The following BCHE variants were observed in gnomAD, a reference collection of about 807,000 sequenced individuals.
BCHE encodes butyrylcholinesterase.
Under a neutral mutation model 51.3 loss-of-function variants are expected in BCHE, and 48 were observed. The ratio of observed to expected loss-of-function variants is 0.94; its 90% confidence interval spans 0.74 to 1.19. BCHE has a LOEUF of 1.19. Ranked by LOEUF, BCHE falls within the 50% of genes most tolerant of loss-of-function variation. The pLI, the probability that BCHE is intolerant of heterozygous loss-of-function variation, is 0.00. For synonymous variants in BCHE, 251 were observed against 238.0 expected, an observed-to-expected ratio of 1.05 and a Z score of -0.50; for missense variants, 847 against 708.2, an observed-to-expected ratio of 1.20 and a Z score of -2.23.
intron 2 of BCHE, among the ~76,000 whole-genome samples, chr3:165,819,078 T>TTTG (rs1437375986): frequency 6.6e-6 from 1 of 150,722 alleles, no homozygotes; most frequent in African/African-American, 2.4e-5. Flanking sequence ...TAACTTCTTT[T>TTTG]TTTTTTTTTT....
intron 2 of BCHE, among the ~76,000 whole-genome samples, chr3:165,798,062 G>A (rs992646100): frequency 2.6e-5 from 4 of 152,128 alleles, no homozygotes; most frequent in African/African-American, 7.2e-5. Context: ...TTAAGGCTCC[G>A]TAATAGCAGA....
chr3:165,776,775 A>G (rs73877726), intron 3 of BCHE, among the ~76,000 whole-genome samples: 14,544 of 151,708 alleles, frequency 0.096, 747 homozygotes, highest in Admixed American at 0.14. Context: ...AAGAAAAATG[A>G]ATCGATTGAC....
At chr3:165,783,821 T>G (rs1712805810) in intron 3 of BCHE, among the ~76,000 whole-genome samples, 1 of 152,082 alleles carries the variant, frequency 6.6e-6, no homozygotes, top group African/African-American at 2.4e-5. Flanking sequence ...TGTATCCTTG[T>G]GGAAATCTGA....
At chr3:165,809,893 A>G (rs771043494) in intron 2 of BCHE, among the ~76,000 whole-genome samples, 11 of 152,160 alleles carry the variant, frequency 7.2e-5, no homozygotes, top group Non-Finnish European at 1.6e-4. Context: ...AAAAAGTATT[A>G]TCATACTAAG....
intron 2 of BCHE, among the ~76,000 whole-genome samples, chr3:165,821,359 C>T (rs966553313): frequency 2.6e-5 from 4 of 151,190 alleles, no homozygotes; most frequent in African/African-American, 4.8e-5. Context: ...TGAAGTAGCA[C>T]GATTTCTCCA....
intron 2 of BCHE, among the ~76,000 whole-genome samples, chr3:165,816,407 A>G: frequency 6.6e-6 from 1 of 152,014 alleles, no homozygotes; most frequent in African/African-American, 2.4e-5. Context: ...ATGAAAAAGC[A>G]AGGCCAATCG....
chr3:165,779,254 G>A lies in BCHE; in HGVS notation c.1685-5748C>T, dbSNP rs559983466. Among the ~76,000 whole-genome samples the A allele has an allele frequency of 2.8e-4, 43 of 152,134 alleles. 1 individual carries two copies. In the South Asian group the frequency reaches 8.3e-3, roughly 29 times the overall value. ...CATGTTAAAAATTCTCAATAAACTA[G>A]GTATTGATGGAACATATCTCAAAAT... On this transcript the variant is annotated intron_variant, in intron 3 of 3. Coordinates refer to ENST00000264381, the MANE Select transcript of BCHE (RefSeq NM_000055.4).
chr3:165,787,612 A>G (rs1713004043), intron 2 of BCHE, among the ~76,000 whole-genome samples: 1 of 151,954 alleles, frequency 6.6e-6, no homozygotes, highest in Admixed American at 6.6e-5. Flanking sequence ...AGCTAGAAAA[A>G]GGGATAGAAT....
chr3:165,777,998 T>C (rs1427392497), intron 3 of BCHE, among the ~76,000 whole-genome samples: 5 of 152,118 alleles, frequency 3.3e-5, no homozygotes, highest in Non-Finnish European at 7.4e-5. Context: ...TCCAGTCAAG[T>C]AGGCTTAATT....
chr3:165,808,248 G>C (rs1234258483), intron 2 of BCHE, among the ~76,000 whole-genome samples: 2 of 152,048 alleles, frequency 1.3e-5, no homozygotes, highest in African/African-American at 4.8e-5. Context: ...GCCTCTCAAA[G>C]TGCTGGGATT....
intron 1 of BCHE, among the ~76,000 whole-genome samples, chr3:165,831,607 C>A (rs1372237366): frequency 6.6e-6 from 1 of 152,074 alleles, no homozygotes; most frequent in African/African-American, 2.4e-5. Flanking sequence ...TCTATACAAT[C>A]CTATTATACA....
chr3:165,790,472 A>G (rs1713125189), intron 2 of BCHE, among the ~76,000 whole-genome samples: 1 of 152,118 alleles, frequency 6.6e-6, no homozygotes, highest in Non-Finnish European at 1.5e-5. Context: ...CTATAAGAAA[A>G]CTGTCATTGT....
At position 165,817,044 on chromosome 3, in the gene BCHE, C is replaced by T. The variant is rs76036314; in HGVS notation, c.1517+12473G>A. 3.3e-3 allele frequency among the ~76,000 whole-genome samples: 499 copies of T among 152,090 alleles called. 2 individuals are homozygous for T. Among genetic ancestry groups the T allele is most frequent in the Non-Finnish European group, 2.7e-3 (186 of 67,948 alleles). On this transcript the variant is annotated intron_variant, in intron 2 of 3. Transcript: ENST00000264381. ...TAAACTTGAAATGTCTGAAATAGAA[C>T]TTTTGATTTCACTCTCCCAACCATA...
intron 3 of BCHE, among the ~76,000 whole-genome samples, chr3:165,782,973 C>T (rs1322474648): frequency 1.3e-5 from 2 of 151,968 alleles, no homozygotes; most frequent in East Asian, 1.9e-4. Flanking sequence ...AGGATGTCAA[C>T]ATATGAATTT....
At chr3:165,827,734 A>G (rs1181706739) in intron 2 of BCHE, among the ~76,000 whole-genome samples, 3 of 152,120 alleles carry the variant, frequency 2.0e-5, no homozygotes, top group African/African-American at 4.8e-5. Flanking sequence ...ATGATGTAAT[A>G]TGGATAAAGT....
intron 2 of BCHE, among the ~76,000 whole-genome samples, chr3:165,811,561 C>CA (rs1404163469): frequency 1.3e-5 from 2 of 151,776 alleles, no homozygotes; most frequent in African/African-American, 4.8e-5. Flanking sequence ...CTGTGTCTAC[C>CA]AAAAAACACT....
chr3:165,829,466 G>C (rs1714859726), intron 2 of BCHE, 51 bp downstream of exon 2: 1 of 1,499,078 alleles, frequency 6.7e-7, no homozygotes, highest in Non-Finnish European at 9.3e-7. Context: ...GCAAAGCTAA[G>C]CAAAACGGAT....
chr3:165,827,628 A>C (rs1170124626), intron 2 of BCHE, among the ~76,000 whole-genome samples: 2 of 152,020 alleles, frequency 1.3e-5, no homozygotes, highest in African/African-American at 4.8e-5. Flanking sequence ...AAGTCCTTTG[A>C]AAAGTTTAGG....
intron 2 of BCHE, among the ~76,000 whole-genome samples, chr3:165,812,979 T>C (rs1714159277): frequency 6.6e-6 from 1 of 151,988 alleles, no homozygotes; most frequent in Admixed American, 6.6e-5. Flanking sequence ...TCCTTCATAA[T>C]GCAATAGGAT....
Sources: allele counts gnomAD v4.1 joint callset (sites outside exome capture counted in the v4.1 genomes callset), GRCh38; gene constraint gnomAD v4.1.1; transcripts MANE v1.5; gene names NCBI Gene and HGNC (gene_info 2026-07-23, HGNC 2026-07-21).